EFCAB5: variants seen among roughly 807,000 people sequenced by gnomAD.
EFCAB5 encodes the protein EF-hand calcium binding domain 5, also known as EF-hand calcium-binding domain-containing protein 5.
In EFCAB5, 131 loss-of-function variants were observed where a neutral mutation model predicts 167.9. The ratio of observed to expected loss-of-function variants is 0.78; its 90% CI spans 0.68 to 0.90. EFCAB5 has a LOEUF of 0.90. Among genes scored for constraint, EFCAB5 ranks in the 40% least tolerant of loss-of-function variants. EFCAB5 has a pLI of 0.00. For missense variants in EFCAB5, 1,663 were observed against 1,745.2 expected, an observed-to-expected ratio of 0.95 and a Z score of 0.84; for synonymous variants, 574 against 602.8, an observed-to-expected ratio of 0.95 and a Z score of 0.70.
intron 7 of EFCAB5, among the ~76,000 whole-genome samples, chr17:30,022,654 A>G (rs2069209236): frequency 6.6e-6 from 1 of 152,190 alleles, no homozygotes; most frequent in Admixed American, 6.5e-5. Context: ...CCTTAAGAAC[A>G]ATGTTTTCAA....
intron 3 of EFCAB5, among the ~76,000 whole-genome samples, chr17:29,961,619 C>T (rs1020110062): frequency 6.6e-6 from 1 of 152,082 alleles, no homozygotes; most frequent in African/African-American, 2.4e-5. Flanking sequence ...CACAGTCTCA[C>T]TCTGTTGCCC....
chr17:30,019,457 T>G (rs533580045), intron 7 of EFCAB5, among the ~76,000 whole-genome samples: 7 of 151,760 alleles, frequency 4.6e-5, no homozygotes, highest in African/African-American at 1.7e-4. Context: ...CTTTTTTTTT[T>G]TTTTTGAGAT....
Position 29,996,330 on chromosome 17 carries a change from G to C in EFCAB5, c.943G>C (p.Glu315Gln). The C allele has an allele frequency of 1.3e-6, 2 of 1,551,074 alleles. No homozygotes were observed. The highest frequency in any genetic ancestry group is 1.7e-6 in the Non-Finnish European group (2 of 1,146,858). Residue 315 changes from glutamate to glutamine, a missense_variant, in exon 6 of 23, where the codon GAA (glutamate) becomes CAA (glutamine). Glu to Gln is a conservative substitution (Grantham distance 29, BLOSUM62 2). Coordinates refer to ENST00000394835, the MANE Select transcript of EFCAB5 (RefSeq NM_198529.4). ...PKSVIQNVLQ[E>Q]FFQNPDFKLG... ...GTTGCAGATTCAGAATGTTCTTCAA[G>C]AATTCTTTCAAAATCCAGATTTCAA... is the stretch of plus-strand genomic sequence containing the variant.
At chr17:30,043,701 A>C (rs2069839490) in intron 8 of EFCAB5, among the ~76,000 whole-genome samples, 1 of 152,236 alleles carries the variant, frequency 6.6e-6, no homozygotes, top group Non-Finnish European at 1.5e-5. Context: ...AAAACTATGA[A>C]ATTTGCTAAG....
intron 1 of EFCAB5, among the ~76,000 whole-genome samples, chr17:29,934,926 T>G (rs1388908331): frequency 6.6e-6 from 1 of 152,152 alleles, no homozygotes; most frequent in Non-Finnish European, 1.5e-5. Flanking sequence ...TCTTGCAATA[T>G]ATCTATAACT....
Position 30,078,380 on chromosome 17 carries a change from G to A in EFCAB5, c.2903G>A (p.Ser968Asn). ...VEFLMNALER[S>N]HIESLRNSAR... ...TTTCTGATGAATGCTTTAGAGAGGAGCCACATTGAGAGTCTGAGGAATTCT... is the reference window on the plus strand; with the variant it reads ...TTTCTGATGAATGCTTTAGAGAGGAACCACATTGAGAGTCTGAGGAATTCT... Residue 968 changes from serine to asparagine, a missense_variant, in exon 15 of 23, where the codon AGC becomes AAC. Coordinates refer to ENST00000394835, the MANE Select transcript of EFCAB5 (RefSeq NM_198529.4). 3 of 1,613,992 alleles carry A rather than the reference G, an allele frequency of 1.9e-6. No homozygotes were observed. The highest frequency in any genetic ancestry group is 2.5e-6 in the Non-Finnish European group (3 of 1,179,890).
chr17:30,009,728 T>C (rs1189017669), intron 7 of EFCAB5, among the ~76,000 whole-genome samples: 1 of 152,200 alleles, frequency 6.6e-6, no homozygotes, highest in Non-Finnish European at 1.5e-5. Flanking sequence ...GAATATGTGT[T>C]TTCTGTTCTC....
chr17:29,934,165 G>A (rs2067226268), intron 1 of EFCAB5, among the ~76,000 whole-genome samples: 1 of 152,192 alleles, frequency 6.6e-6, no homozygotes, highest in African/African-American at 2.4e-5. Context: ...GTTCTTGAAT[G>A]AGACAGTTTA....
At position 30,069,622 on chromosome 17, in the gene EFCAB5, G is replaced by A. The variant is rs1273061054; in HGVS notation, c.2738-8593G>A. ...CCTTCTCCTTGCTCTTCCTCGACTG[G>A]TACCACAGCTAGCCTGGGCCACGGG... On this transcript the variant is annotated intron_variant, in intron 14 of 22. Transcript: ENST00000394835. 8 of 1,612,084 alleles carry A rather than the reference G, an allele frequency of 5.0e-6. No homozygotes were observed. In the African/African-American group the frequency reaches 9.4e-5, roughly 19 times the overall value.
intron 7 of EFCAB5, among the ~76,000 whole-genome samples, chr17:30,023,311 A>C (rs923978667): frequency 6.6e-6 from 1 of 152,198 alleles, no homozygotes; most frequent in African/African-American, 2.4e-5. Context: ...AAACGAGAGA[A>C]GAATCAAATA....
intron 7 of EFCAB5, among the ~76,000 whole-genome samples, chr17:30,007,324 A>C (rs754777905): frequency 3.3e-5 from 5 of 152,178 alleles, no homozygotes; most frequent in Non-Finnish European, 7.3e-5. Flanking sequence ...TTATCTTTTC[A>C]TATTTATTGG....
At chr17:30,026,749 A>AT in intron 7 of EFCAB5, among the ~76,000 whole-genome samples, 1 of 151,346 alleles carries the variant, frequency 6.6e-6, no homozygotes, top group African/African-American at 2.4e-5. Flanking sequence ...TTGTGTTTTA[A>AT]TTTTTTTGTA....
At chr17:30,042,035 G>GT (rs1169413722) in intron 8 of EFCAB5, among the ~76,000 whole-genome samples, 5 of 151,176 alleles carry the variant, frequency 3.3e-5, no homozygotes, top group Admixed American at 1.3e-4. Flanking sequence ...TTGAGATGGA[G>GT]TATCGCTCTG....
chr17:29,964,422 G>A (rs892256542), intron 3 of EFCAB5, among the ~76,000 whole-genome samples: 1 of 151,952 alleles, frequency 6.6e-6, no homozygotes, highest in African/African-American at 2.4e-5. Flanking sequence ...AGCCTCCCAA[G>A]TAGCTGGGTT....
At position 30,096,652 on chromosome 17, in the gene EFCAB5, CATATATATAT is replaced by C. The variant is rs200424980; in HGVS notation, c.4321+3733_4321+3742del. Among the ~76,000 whole-genome samples the C allele has an allele frequency of 7.9e-4, 74 of 93,566 alleles. 1 individual carries two copies. Among genetic ancestry groups the C allele is most frequent in the African/African-American group, 3.1e-3 (69 of 21,914 alleles). 61.4% of individuals were successfully genotyped at this position (93,566 alleles called of 152,430 possible). A position where few individuals can be genotyped will look rare whatever the true frequency, so the allele number is the denominator to read the frequency against. ...TTAAAACTGTCTTTTATCCTGAAAG[CATATATATAT>C]ATATATATATATATATTTTTTTTTT... On this transcript the variant is annotated intron_variant, in intron 22 of 22. Coordinates refer to ENST00000394835, the MANE Select transcript of EFCAB5 (RefSeq NM_198529.4).
intron 14 of EFCAB5, among the ~76,000 whole-genome samples, chr17:30,064,028 A>G (rs2070495126): frequency 6.6e-6 from 1 of 152,190 alleles, no homozygotes. Context: ...ATCTTCCTCT[A>G]TAAAAGCCAC....
In EFCAB5 at chr17:29,930,119, A is replaced by AGGAGG. The variant is rs1316996411; in HGVS notation, c.-127+791_-127+795dup. ...GGTGGGGGTGAAGGGAACGGGGAGG[A>AGGAGG]GGAGGAGGCCGCGGGAACGGCCGCA... On this transcript the variant is annotated intron_variant, in intron 1 of 3. Transcript: ENST00000448319. The AGGAGG allele has an allele frequency of 4.6e-5, 43 of 934,816 alleles. No homozygotes were observed. In the African/African-American group the frequency reaches 6.7e-4, roughly 15 times the overall value. 57.9% of individuals were successfully genotyped at this position (934,816 alleles called of 1,614,324 possible).
chr17:30,094,687 C>G (rs9891287), intron 22 of EFCAB5, among the ~76,000 whole-genome samples: 10,550 of 151,906 alleles, frequency 0.069, 738 homozygotes, highest in African/African-American at 0.18. Flanking sequence ...GTCTCAAAAA[C>G]AACAACAACA....
intron 22 of EFCAB5, among the ~76,000 whole-genome samples, chr17:30,097,693 T>C (rs1342717674): frequency 6.6e-6 from 1 of 152,266 alleles, no homozygotes; most frequent in Non-Finnish European, 1.5e-5. Context: ...ATTTTGCCTA[T>C]GCAAATATTA....
Sources: gnomAD v4.1 joint callset for allele counts (sites outside exome capture counted in the v4.1 genomes callset) on GRCh38, gnomAD v4.1.1 for gene constraint, MANE v1.5 for transcripts, NCBI Gene and HGNC (gene_info 2026-07-23, HGNC 2026-07-21) for gene names.